TAF1A: variants seen among roughly 807,000 people sequenced by gnomAD.
The protein encoded by TAF1A is TATA-box binding protein associated factor, RNA polymerase I subunit A, also known as TATA box-binding protein-associated factor RNA polymerase I subunit A.
Under a neutral mutation model 61.6 loss-of-function variants are expected in TAF1A, and 42 were observed. The ratio of observed to expected loss-of-function variants is 0.68; its 90% CI spans 0.53 to 0.88. The LOEUF (loss-of-function observed/expected upper bound fraction) is 0.88. TAF1A is among the 40% of genes least tolerant of loss of function. The probability of loss-of-function intolerance (pLI) is 0.00; values close to 1 mark genes in which losing one functional copy is unlikely to be tolerated. For synonymous variants in TAF1A, 179 were observed against 177.7 expected (o/e 1.01, Z -0.06); for missense variants, 424 against 518.7 (o/e 0.82, Z 1.77).
At chr1:222,588,085 C>T (rs5019418) in intron 2 of TAF1A, among the ~76,000 whole-genome samples, 7,879 of 151,970 alleles carry the variant, frequency 0.052, 639 homozygotes, top group African/African-American at 0.18. Context: ...CAATTCTATT[C>T]GAAATAATTT....
In TAF1A at chr1:222,588,495, G is replaced by T. The variant is rs756819287; in HGVS notation, c.69C>A (p.Leu23=). The T allele has an allele frequency of 3.1e-6, 5 of 1,613,878 alleles. No individual in the cohort carries two copies. The South Asian group carries it at 5.5e-5, about 18-fold the overall frequency. Residue 23 remains leucine (L), a synonymous_variant, in exon 2 of 11, where the codon CTC becomes CTA. Coordinates refer to ENST00000352967, the MANE Select transcript of TAF1A (RefSeq NM_005681.4). ...AAGGAAAATGCATTCCTGCACCACTGAGCACAGATGTTTCCACTTCTTCAT... is the reference window on the plus strand; with the variant it reads ...AAGGAAAATGCATTCCTGCACCACTTAGCACAGATGTTTCCACTTCTTCAT... ...TDDEEVETSV[L]SGAGMHFPWL...
chr1:222,566,785 G>A (rs1660133993), intron 7 of TAF1A, among the ~76,000 whole-genome samples: 1 of 152,178 alleles, frequency 6.6e-6, no homozygotes, highest in Admixed American at 6.5e-5. Flanking sequence ...CCCTGCACTA[G>A]GATATCAATG....
At chr1:222,588,637 C>G (rs1196213058) in intron 1 of TAF1A, 72 bp from the exon 2 acceptor site, 1 of 1,478,776 alleles carries the variant, frequency 6.8e-7, no homozygotes. Flanking sequence ...TACAGAAAAA[C>G]GGCTATCTTT....
chr1:222,561,735 A>C (rs1262857375), intron 9 of TAF1A, among the ~76,000 whole-genome samples: 1 of 152,162 alleles, frequency 6.6e-6, no homozygotes, highest in Non-Finnish European at 1.5e-5. Flanking sequence ...CCATTTCACT[A>C]AACAGACAGT....
chr1:222,565,202 T>C (rs1053626481), intron 7 of TAF1A, among the ~76,000 whole-genome samples: 3 of 152,226 alleles, frequency 2.0e-5, no homozygotes, highest in African/African-American at 7.2e-5. Flanking sequence ...TTTGCCCTGT[T>C]CTATTCAGAG....
chr1:222,561,055 C>T (rs914924817), intron 10 of TAF1A, among the ~76,000 whole-genome samples: 2 of 152,090 alleles, frequency 1.3e-5, no homozygotes, highest in South Asian at 4.1e-4. Flanking sequence ...ACTTGAAAAT[C>T]TCAGTAAACT....
intron 7 of TAF1A, among the ~76,000 whole-genome samples, chr1:222,566,650 C>A (rs1225716158): frequency 6.6e-6 from 1 of 152,114 alleles, no homozygotes; most frequent in South Asian, 2.1e-4. Context: ...TCTAATGCCA[C>A]CGCTGATCTG....
Position 222,570,556 on chromosome 1 carries a change from A to G in TAF1A, c.714T>C (p.Pro238=). Residue 238 remains proline (P), a synonymous_variant, in exon 6 of 11, where the codon CCT becomes CCC. Coordinates refer to ENST00000352967, the MANE Select transcript of TAF1A (RefSeq NM_005681.4). The part of the protein sequence containing the change: ...ALIKIPGVWD[P]FVKSYVEMLE... ...TTACTTCTACATAACTCTTCACAAA[A>G]GGGTCCCAAACTCCAGGAATTTTAA... 1 of 1,610,920 alleles carries G rather than the reference A, an allele frequency of 6.2e-7. No homozygotes were observed. The highest frequency in any genetic ancestry group is 8.5e-7 in the Non-Finnish European group (1 of 1,177,948).
chr1:222,560,207 C>T (rs1659858420), intron 10 of TAF1A, among the ~76,000 whole-genome samples: 1 of 152,114 alleles, frequency 6.6e-6, no homozygotes, highest in Non-Finnish European at 1.5e-5. Context: ...AGGTTGGTAA[C>T]CAGAGCAAGA....
chr1:222,558,053 T>G (rs1370389843), downstream of TAF1A: 1 of 151,890 alleles, frequency 6.6e-6, no homozygotes, highest in Non-Finnish European at 1.5e-5. Flanking sequence ...CCAGCTACTT[T>G]TTGTATTTTT....
At chr1:222,564,426 G>T (rs997406229) in intron 7 of TAF1A, among the ~76,000 whole-genome samples, 3 of 150,356 alleles carry the variant, frequency 2.0e-5, no homozygotes, top group Non-Finnish European at 4.4e-5. Context: ...TGTTTACCAC[G>T]CTCAACAACT....
intron 2 of TAF1A, among the ~76,000 whole-genome samples, chr1:222,586,322 A>G (rs1185269979): frequency 6.6e-6 from 1 of 152,178 alleles, no homozygotes; most frequent in Non-Finnish European, 1.5e-5. Flanking sequence ...TTATTTACCT[A>G]AAGGAGAGAA....
In TAF1A at chr1:222,588,519, A is replaced by G. The variant is rs1412486426; in HGVS notation, c.45T>C (p.Asp15=). The G allele has an allele frequency of 6.2e-7, 1 of 1,614,072 alleles. No homozygotes were observed. The highest frequency in any genetic ancestry group is 2.2e-5 in the East Asian group (1 of 44,858). ...TGAGCACAGATGTTTCCACTTCTTC[A>G]TCATCTGTCACAGGCCCTTTTAATT... The part of the protein sequence containing the change: ...SEELKGPVTD[D]EEVETSVLSG... Residue 15 remains aspartate, a synonymous_variant, in exon 2 of 11, where the codon GAT becomes GAC. Coordinates refer to ENST00000352967, the MANE Select transcript of TAF1A (RefSeq NM_005681.4).
In TAF1A at chr1:222,588,041, C is replaced by A. The variant is rs1571835466; in HGVS notation, c.121+402G>T. Reference sequence around the variant, plus strand: ...CCAGCGTGGGCAACAGAGCAAGACTCTGTCTCAAAAAAAAAAAAAATCTAT... The same window carrying A: ...CCAGCGTGGGCAACAGAGCAAGACTATGTCTCAAAAAAAAAAAAAATCTAT... On this transcript the variant is annotated intron_variant, in intron 2 of 10. Coordinates refer to ENST00000352967, the MANE Select transcript of TAF1A (RefSeq NM_005681.4). Among the ~76,000 whole-genome samples the A allele has an allele frequency of 2.7e-5, 4 of 148,538 alleles. No homozygotes were observed. In the South Asian group the frequency reaches 8.5e-4, roughly 31 times the overall value.
intron 4 of TAF1A, among the ~76,000 whole-genome samples, chr1:222,577,877 T>C (rs1660637833): frequency 6.6e-6 from 1 of 152,274 alleles, no homozygotes; most frequent in East Asian, 1.9e-4. Flanking sequence ...GACAGTGTGA[T>C]ATAGTGGGGA....
At chr1:222,572,218 CAAA>C (rs1172947422) in intron 5 of TAF1A, among the ~76,000 whole-genome samples, 15 of 86,648 alleles carry the variant, frequency 1.7e-4, no homozygotes, top group Non-Finnish European at 1.7e-4. Flanking sequence ...GACTCAGTCT[CAAA>C]AAAAAAAAAA....
chr1:222,570,480 T>C, intron 6 of TAF1A, 55 bp downstream of exon 6: 1 of 1,511,388 alleles, frequency 6.6e-7, no homozygotes, highest in South Asian at 1.3e-5. Context: ...CATGCAGTCT[T>C]TGTATAGGCT....
Position 222,588,522 on chromosome 1 carries a change from ATC to A in TAF1A, c.40_41del (p.Asp14Ter). On this transcript the variant is annotated frameshift_variant, in exon 2 of 11. Transcript: ENST00000352967. LOFTEE classifies it high-confidence loss of function. The stretch of plus-strand genomic sequence containing the variant: ...GCACAGATGTTTCCACTTCTTCATC[ATC>A]TGTCACAGGCCCTTTTAATTCTTCA... Reference protein sequence around the residue: ...FSEELKGPVTDDEEVETSVLS... With the variant: ...FSEELKGPVTXDEEVETSVLS... The A allele has an allele frequency of 6.2e-7, 1 of 1,614,112 alleles. No individual in the cohort carries two copies. Among genetic ancestry groups the A allele is most frequent in the Non-Finnish European group, 8.5e-7 (1 of 1,179,990 alleles).
At chr1:222,566,756 T>C (rs1243748695) in intron 7 of TAF1A, among the ~76,000 whole-genome samples, 1 of 152,158 alleles carries the variant, frequency 6.6e-6, no homozygotes, top group Non-Finnish European at 1.5e-5. Flanking sequence ...TACCGGTCCA[T>C]GACCCAGGGG....
Sources: gnomAD v4.1 joint callset for allele counts (sites outside exome capture counted in the v4.1 genomes callset) on GRCh38, gnomAD v4.1.1 for gene constraint, MANE v1.5 for transcripts, NCBI Gene and HGNC (gene_info 2026-07-23, HGNC 2026-07-21) for gene names.